TRHDE: variants seen among roughly 807,000 people sequenced by gnomAD.
TRHDE encodes the protein thyrotropin releasing hormone degrading enzyme, also known as thyrotropin-releasing hormone-degrading ectoenzyme.
Under a neutral mutation model 125.7 loss-of-function variants are expected in TRHDE, and 72 were observed. The observed-to-expected ratio is 0.57, with a 90% CI of 0.47 to 0.70. TRHDE has a LOEUF of 0.70. TRHDE is among the 30% of genes least tolerant of loss of function. TRHDE has a pLI of 0.00. For synonymous variants in TRHDE, 509 were observed against 509.1 expected, an observed-to-expected ratio of 1.00 and a Z score of 0.00; for missense variants, 1,110 against 1,327.1, an observed-to-expected ratio of 0.84 and a Z score of 2.54.
upstream of TRHDE, chr12:72,272,333 C>T (rs1337172267): frequency 5.5e-6 from 2 of 361,744 alleles, no homozygotes; most frequent in Non-Finnish European, 1.1e-5. This position sits in a 1 kb window ranked among gnomAD's most constrained non-coding sequence, Gnocchi z 6.7. Flanking sequence ...CGCGCAGGGG[C>T]GGGGGCAGCA....
At chr12:72,398,495 A>C (rs1247670572) in intron 3 of TRHDE, among the ~76,000 whole-genome samples, 2 of 152,174 alleles carry the variant, frequency 1.3e-5, no homozygotes, top group Non-Finnish European at 2.9e-5. Context: ...ATTCAATTGA[A>C]AGTTTCATGA....
At chr12:72,456,342 G>A (rs1433761302) in intron 3 of TRHDE, among the ~76,000 whole-genome samples, 1 of 152,020 alleles carries the variant, frequency 6.6e-6, no homozygotes, top group Non-Finnish European at 1.5e-5. Flanking sequence ...CAAAACATGA[G>A]CAGACACTTT....
chr12:72,351,438 T>C (rs2135740839), intron 2 of TRHDE, among the ~76,000 whole-genome samples: 1 of 152,084 alleles, frequency 6.6e-6, no homozygotes, highest in East Asian at 1.9e-4. Flanking sequence ...AGCTCCCTTT[T>C]AACATACAGA....
chr12:72,135,379 G>C (rs1875960918), intron 2 of TRHDE, among the ~76,000 whole-genome samples: 1 of 152,026 alleles, frequency 6.6e-6, no homozygotes, highest in Non-Finnish European at 1.5e-5. Flanking sequence ...TTATTGACCT[G>C]GTCTTTCCAT....
intron 3 of TRHDE, among the ~76,000 whole-genome samples, chr12:72,457,572 C>T (rs1430080966): frequency 2.0e-5 from 3 of 148,138 alleles, no homozygotes; most frequent in East Asian, 2.1e-4. Context: ...TTTTTTTCCT[C>T]AGGGGCTTCA....
intron 2 of TRHDE, among the ~76,000 whole-genome samples, chr12:72,119,209 C>T (rs1375311784): frequency 1.3e-5 from 2 of 152,028 alleles, no homozygotes; most frequent in African/African-American, 2.4e-5. Context: ...CTGCTTTTGC[C>T]GTATCCCATA....
At chr12:72,106,779 A>G (rs898491722) in intron 2 of TRHDE, among the ~76,000 whole-genome samples, 4 of 151,940 alleles carry the variant, frequency 2.6e-5, no homozygotes, top group African/African-American at 4.8e-5. Flanking sequence ...TATTCATTGA[A>G]TATCTCCCAT....
At chr12:72,147,122 A>G (rs1214132601) in intron 2 of TRHDE, among the ~76,000 whole-genome samples, 1 of 151,402 alleles carries the variant, frequency 6.6e-6, no homozygotes, top group African/African-American at 2.4e-5. Context: ...TGGGGGCAAA[A>G]TAGGGGGTGT....
chr12:72,635,446 G>A (rs1244585029), intron 15 of TRHDE, among the ~76,000 whole-genome samples: 1 of 152,072 alleles, frequency 6.6e-6, no homozygotes, highest in African/African-American at 2.4e-5. Context: ...CTCCCATTCT[G>A]TAGGTTGCCT....
intron 1 of TRHDE, among the ~76,000 whole-genome samples, chr12:72,097,440 A>ATTTTTTTTTTTT (rs869290442): frequency 1.1e-3 from 24 of 21,642 alleles, no homozygotes; most frequent in African/African-American, 2.3e-3. Flanking sequence ...TTCTCACTGA[A>ATTTTTTTTTTTT]TTTTTTTTTT....
At chr12:72,186,982 A>G (rs538002185) in intron 2 of TRHDE, among the ~76,000 whole-genome samples, 2 of 152,252 alleles carry the variant, frequency 1.3e-5, no homozygotes, top group African/African-American at 2.4e-5. Flanking sequence ...AGGATGAGGC[A>G]TATGACCAGG....
chr12:72,315,266 G>A (rs1455926927), intron 2 of TRHDE, among the ~76,000 whole-genome samples: 3 of 152,166 alleles, frequency 2.0e-5, no homozygotes, highest in Non-Finnish European at 2.9e-5. Flanking sequence ...GTGAGATTAG[G>A]AAGTATTTTA....
chr12:72,640,341 C>G (rs1040183888), intron 15 of TRHDE, among the ~76,000 whole-genome samples: 1 of 152,236 alleles, frequency 6.6e-6, no homozygotes, highest in East Asian at 1.9e-4. Context: ...CCGAGTGAGG[C>G]AATGCCTCGC....
At chr12:72,113,776 T>C (rs1875377966) in intron 2 of TRHDE, among the ~76,000 whole-genome samples, 1 of 152,088 alleles carries the variant, frequency 6.6e-6, no homozygotes, top group African/African-American at 2.4e-5. Flanking sequence ...TATTATATCA[T>C]AATATCATGT....
At chr12:72,630,157 T>C (rs1178154718) in intron 15 of TRHDE, among the ~76,000 whole-genome samples, 3 of 151,674 alleles carry the variant, frequency 2.0e-5, no homozygotes, top group Non-Finnish European at 4.4e-5. Context: ...GGTTGAATAG[T>C]GGCCTCCAAA....
chr12:72,127,366 A>G (rs1035559768), intron 2 of TRHDE, among the ~76,000 whole-genome samples: 3 of 152,232 alleles, frequency 2.0e-5, no homozygotes, highest in African/African-American at 7.2e-5. Flanking sequence ...AAATCATTCT[A>G]TTAAAAAGAC....
intron 15 of TRHDE, among the ~76,000 whole-genome samples, chr12:72,638,324 A>C (rs1481957829): frequency 6.6e-6 from 1 of 151,808 alleles, no homozygotes. Flanking sequence ...CTAGGATTGC[A>C]ACCCCTGCCT....
intron 3 of TRHDE, among the ~76,000 whole-genome samples, chr12:72,397,577 C>T (rs543924137): frequency 1.6e-4 from 24 of 152,254 alleles, no homozygotes; most frequent in African/African-American, 5.8e-4. Context: ...TTGTGCTCAC[C>T]CCTCCCTATT....
chr12:72,147,494 GT>G (rs1331641718), intron 2 of TRHDE: 18 of 152,222 alleles, frequency 1.2e-4, no homozygotes, highest in African/African-American at 4.3e-4. Flanking sequence ...ATCCTATAAT[GT>G]AATCTTATCT....
Sources: allele counts gnomAD v4.1 joint callset (sites outside exome capture counted in the v4.1 genomes callset), GRCh38; gene constraint gnomAD v4.1.1; non-coding constraint Gnocchi (gnomAD v3.1); transcripts MANE v1.5; gene names NCBI Gene and HGNC (gene_info 2026-07-23, HGNC 2026-07-21).